Variants in GRM7 observed in about 807,000 individuals in gnomAD.
GRM7 encodes glutamate metabotropic receptor 7, also known as metabotropic glutamate receptor 7.
In GRM7, 35 loss-of-function variants were observed where a neutral mutation model predicts 84.5. That is an observed-to-expected ratio of 0.41 (90% confidence interval 0.32 to 0.55). The LOEUF is 0.55. Ranked by LOEUF, GRM7 falls within the 20% of genes least tolerant of loss-of-function variation. The probability of loss-of-function intolerance (pLI) is 0.19; values close to 1 mark genes in which losing one functional copy is unlikely to be tolerated. For synonymous variants in GRM7, 487 were observed against 455.1 expected (o/e 1.07, Z -0.89); for missense variants, 1,003 against 1,194.6 (o/e 0.84, Z 2.36).
chr3:7,002,968 A>G (rs1695067146), intron 1 of GRM7, among the ~76,000 whole-genome samples: 1 of 152,198 alleles, frequency 6.6e-6, no homozygotes, highest in Admixed American at 6.5e-5. Context: ...ATATTGTGCT[A>G]AGTGAAATGA....
intron 1 of GRM7, among the ~76,000 whole-genome samples, chr3:6,872,671 T>C (rs1280417703): frequency 6.6e-6 from 1 of 151,818 alleles, no homozygotes; most frequent in Non-Finnish European, 1.5e-5. Context: ...TGTCCATATG[T>C]TCTTGTTGTT....
At chr3:7,602,131 C>G (rs981042490) in intron 8 of GRM7, among the ~76,000 whole-genome samples, 1 of 143,696 alleles carries the variant, frequency 7.0e-6, no homozygotes, top group Non-Finnish European at 1.5e-5. Flanking sequence ...AAACACTTAT[C>G]TTTGGAAAAC....
chr3:7,319,926 C>T (rs1019581072), intron 4 of GRM7, among the ~76,000 whole-genome samples: 2 of 151,862 alleles, frequency 1.3e-5, no homozygotes, highest in African/African-American at 4.8e-5. Context: ...ATGTATTCAC[C>T]AAGGTAACCA....
At chr3:7,116,678 C>T (rs561618954) in intron 1 of GRM7, among the ~76,000 whole-genome samples, 6 of 152,242 alleles carry the variant, frequency 3.9e-5, no homozygotes, top group East Asian at 3.9e-4. Flanking sequence ...CCATAGTTAT[C>T]GTACTATGAA....
intron 5 of GRM7, among the ~76,000 whole-genome samples, chr3:7,418,145 A>G (rs909833225): frequency 1.3e-5 from 2 of 152,172 alleles, no homozygotes; most frequent in East Asian, 1.9e-4. Context: ...AAAGTCTTAA[A>G]GAAAGGGATC....
In GRM7 at chr3:7,411,695, G is replaced by A. The variant is rs77275374; in HGVS notation, c.1034-3328G>A. ...GTTTTTGTGAACAGCATTTTTTTCT[G>A]TGTATTTCATAGGCATTTGGGTTGT... is the stretch of plus-strand genomic sequence containing the variant. On this transcript the variant is annotated intron_variant, in intron 4 of 9. Coordinates refer to ENST00000357716, the MANE Select transcript of GRM7 (RefSeq NM_000844.4). 2.8e-3 allele frequency among the ~76,000 whole-genome samples: 427 copies of A among 152,052 alleles called. 2 individuals carry two copies. Among genetic ancestry groups the A allele is most frequent in the Non-Finnish European group, 3.9e-3 (267 of 67,964 alleles).
intron 1 of GRM7, among the ~76,000 whole-genome samples, chr3:6,942,143 C>T (rs898144740): frequency 2.7e-5 from 4 of 148,974 alleles, no homozygotes; most frequent in Non-Finnish European, 6.0e-5. Context: ...ATTTTCAGCT[C>T]TTTTTTTTTT....
At chr3:7,277,857 G>A (rs1197106601) in intron 2 of GRM7, among the ~76,000 whole-genome samples, 3 of 152,052 alleles carry the variant, frequency 2.0e-5, no homozygotes, top group Non-Finnish European at 4.4e-5. Context: ...TATTAGCTAA[G>A]AAAGATATTT....
intron 1 of GRM7, among the ~76,000 whole-genome samples, chr3:7,028,998 A>C (rs1422086290): frequency 6.6e-6 from 1 of 152,182 alleles, no homozygotes; most frequent in African/African-American, 2.4e-5. Flanking sequence ...TATAAAAGTA[A>C]ACATCAAATT....
intron 4 of GRM7, among the ~76,000 whole-genome samples, chr3:7,376,795 C>T (rs566813284): frequency 3.9e-5 from 6 of 152,138 alleles, no homozygotes; most frequent in Non-Finnish European, 8.8e-5. Flanking sequence ...TGTTCTGAGG[C>T]AGAACTACTG....
At chr3:7,003,363 T>C (rs73025847) in intron 1 of GRM7, among the ~76,000 whole-genome samples, 1,997 of 152,204 alleles carry the variant, frequency 0.013, 20 homozygotes, top group Middle Eastern at 0.024. Flanking sequence ...CATAAATATA[T>C]GCAATTAATG....
intron 7 of GRM7, chr3:7,560,227 A>G (rs1398629090): frequency 1.3e-5 from 2 of 152,048 alleles, no homozygotes; most frequent in African/African-American, 4.8e-5. Flanking sequence ...ATAATAAATT[A>G]GATCTGTAAG....
At chr3:6,965,902 C>T (rs1693497486) in intron 1 of GRM7, among the ~76,000 whole-genome samples, 2 of 152,182 alleles carry the variant, frequency 1.3e-5, no homozygotes, top group South Asian at 4.1e-4. Flanking sequence ...TCAGCAGTTC[C>T]ACAAACAAGG....
intron 4 of GRM7, among the ~76,000 whole-genome samples, chr3:7,345,214 G>T (rs566377504): frequency 2.6e-5 from 4 of 151,778 alleles, no homozygotes; most frequent in Non-Finnish European, 5.9e-5. Flanking sequence ...ACATTATATG[G>T]GGTTGTTTAT....
Position 7,710,334 on chromosome 3 carries a change from C to T in GRM7, c.2699-30023C>T, listed in dbSNP as rs150025167. On this transcript the variant is annotated intron_variant, in intron 9 of 9. Transcript: ENST00000357716. ...CCCAAAAACCTCAACATGAAAATGC[C>T]ACGGGACCTGTTTTTGCTGTAGCAA... 4.0e-3 allele frequency among the ~76,000 whole-genome samples: 605 copies of T among 152,190 alleles called. 6 individuals carry two copies. Among genetic ancestry groups the T allele is most frequent in the Non-Finnish European group, 6.6e-3 (450 of 68,008 alleles).
chr3:7,271,978 A>G (rs894210232), intron 2 of GRM7, among the ~76,000 whole-genome samples: 7 of 152,288 alleles, frequency 4.6e-5, no homozygotes, highest in African/African-American at 1.2e-4. Context: ...AATCTGAAAC[A>G]TTGTGACAGA....
chr3:7,239,736 C>T (rs1697479313), intron 2 of GRM7, among the ~76,000 whole-genome samples: 1 of 152,054 alleles, frequency 6.6e-6, no homozygotes, highest in South Asian at 2.1e-4. Context: ...TTTGATTAAC[C>T]GGTTTTCTGA....
rs565567815 is a variant in GRM7, at chr3:6,897,551, T to C, written c.519+35644T>C. 2.6e-5 allele frequency among the ~76,000 whole-genome samples: 4 copies of C among 152,282 alleles called. No homozygotes were observed. In the South Asian group the frequency reaches 8.3e-4, roughly 32 times the overall value. On this transcript the variant is annotated intron_variant, in intron 1 of 9. Transcript: ENST00000357716. ...CCATTTTTGTGTCTTGCTTAGCTTA[T>C]TGGGATAATTACATTAGATTAGTGC...
intron 6 of GRM7, among the ~76,000 whole-genome samples, chr3:7,454,548 A>G (rs1243155980): frequency 6.6e-6 from 1 of 152,148 alleles, no homozygotes; most frequent in Non-Finnish European, 1.5e-5. Flanking sequence ...TGACTATATA[A>G]GGCTGAAGAC....
Sources: gnomAD v4.1 joint callset for allele counts (sites outside exome capture counted in the v4.1 genomes callset) on GRCh38, gnomAD v4.1.1 for gene constraint, MANE v1.5 for transcripts, NCBI Gene and HGNC (gene_info 2026-07-23, HGNC 2026-07-21) for gene names.